The following TMC5 variants were observed in gnomAD, a reference collection of about 807,000 sequenced individuals.
TMC5 encodes transmembrane channel-like protein 5.
In TMC5, 86 loss-of-function variants were observed where a neutral mutation model predicts 110.5. The ratio of observed to expected loss-of-function variants is 0.78; its 90% CI spans 0.65 to 0.93. TMC5 has a LOEUF of 0.93. TMC5 is among the 40% of genes least tolerant of loss of function. The pLI is 0.00. For synonymous variants in TMC5, 455 were observed against 439.5 expected (o/e 1.04, Z -0.44); for missense variants, 1,144 against 1,222.8 (o/e 0.94, Z 0.96).
At chr16:19,415,640 G>A (rs1037268987), upstream of TMC5, among the ~76,000 whole-genome samples, 18 of 152,254 alleles carry the variant, frequency 1.2e-4, no homozygotes, top group Admixed American at 2.6e-4. Flanking sequence ...CTCGTTTGGC[G>A]CAGCTCCACA....
At chr16:19,494,021 G>A (rs1019908241) in intron 19 of TMC5, among the ~76,000 whole-genome samples, 19 of 152,228 alleles carry the variant, frequency 1.2e-4, no homozygotes, top group African/African-American at 3.1e-4. Context: ...ACTTTCTCAA[G>A]CCTGTTAGGG....
At chr16:19,456,428 G>C in intron 5 of TMC5, 1 of 1,101,484 alleles carries the variant, frequency 9.1e-7, no homozygotes, top group Non-Finnish European at 1.1e-6. Flanking sequence ...TTCTGTTTTC[G>C]ATTTCTTGCC....
chr16:19,496,971 A>T lies in TMC5; in HGVS notation c.2932-150A>T, dbSNP rs567601979. The T allele has an allele frequency of 1.4e-5, 9 of 638,894 alleles. No homozygotes were observed. In the South Asian group the frequency reaches 1.6e-4, roughly 11 times the overall value. 39.6% of individuals were successfully genotyped at this position (638,894 alleles called of 1,614,324 possible). ...CTCCCTAAAAAACAAAACATGTTCA[A>T]TATTTCTATGGCGGAGACTTGGCCT... is the stretch of plus-strand genomic sequence containing the variant. On this transcript the variant is annotated intron_variant, in intron 20 of 21. Transcript: ENST00000542583.
chr16:19,419,465 T>A (rs1000964846), intron 1 of TMC5, among the ~76,000 whole-genome samples: 2 of 125,398 alleles, frequency 1.6e-5, no homozygotes, highest in Admixed American at 1.1e-4. Context: ...CAGGCTGGAG[T>A]GCAGTGGTGC....
In TMC5 at chr16:19,459,409, C is replaced by T. The variant is rs1262601806; in HGVS notation, c.1049-826C>T. 1.3e-5 allele frequency among the ~76,000 whole-genome samples: 2 copies of T among 152,106 alleles called. 1 individual carries two copies. The highest frequency in any genetic ancestry group is 4.1e-4 in the South Asian group (2 of 4,822). On this transcript the variant is annotated intron_variant, in intron 5 of 21. Transcript: ENST00000542583. ...GTGTACTTCTAGGAAGGTGGAAGGGCATTCAGCGATAGTCAAGGAATGTGA... is the reference window on the plus strand; with the variant it reads ...GTGTACTTCTAGGAAGGTGGAAGGGTATTCAGCGATAGTCAAGGAATGTGA...
chr16:19,459,597 C>G (rs1289907977), intron 5 of TMC5, among the ~76,000 whole-genome samples: 1 of 151,836 alleles, frequency 6.6e-6, no homozygotes, highest in Non-Finnish European at 1.5e-5. Flanking sequence ...GGCAACATAG[C>G]AAGACCCCAT....
chr16:19,488,190 G>A (rs8050884), intron 17 of TMC5, among the ~76,000 whole-genome samples: 19,608 of 152,034 alleles, frequency 0.13, 1,766 homozygotes, highest in East Asian at 0.39. Context: ...CTAGCCCTGG[G>A]AGCTGGAGTC....
intron 21 of TMC5, 126 bp from the exon 22 acceptor site, chr16:19,497,793 GA>G: frequency 6.4e-6 from 5 of 775,486 alleles, no homozygotes; most frequent in Non-Finnish European, 1.1e-5. Flanking sequence ...AAGGATTATA[GA>G]AACTAAAAGG....
rs1228783412 is a variant in TMC5, at chr16:19,440,563, C to G, written c.525C>G (p.Pro175=). The change falls in exon 3 of 22, where the codon CCC becomes CCG. Residue 175 remains proline, a synonymous_variant. Transcript: ENST00000542583. The part of the protein sequence containing the change: ...GAQSNSDHPG[P]RANLNHPGSR... ...AGAGCAACTCTGATCATCCTGGACC[C>G]AGAGCCAATTTGAACCATCCAGGAT... is the stretch of plus-strand genomic sequence containing the variant. The G allele has an allele frequency of 3.7e-6, 6 of 1,614,218 alleles. No individual in the cohort carries two copies. In the Admixed American group the frequency reaches 8.3e-5, roughly 22 times the overall value.
chr16:19,431,351 G>A (rs1169860655), intron 2 of TMC5, among the ~76,000 whole-genome samples: 1 of 151,972 alleles, frequency 6.6e-6, no homozygotes, highest in African/African-American at 2.4e-5. Context: ...TAGCAGCCTG[G>A]CCAACATACT....
At chr16:19,453,197 T>C (rs1285008771) in intron 5 of TMC5, among the ~76,000 whole-genome samples, 1 of 151,970 alleles carries the variant, frequency 6.6e-6, no homozygotes, top group Non-Finnish European at 1.5e-5. Context: ...CTCACACCTG[T>C]AATCCCAGGA....
intron 4 of TMC5, among the ~76,000 whole-genome samples, chr16:19,449,163 A>G (rs979748447): frequency 1.3e-5 from 2 of 151,750 alleles, no homozygotes; most frequent in Non-Finnish European, 2.9e-5. Flanking sequence ...ATATACATAT[A>G]TTTTTAGAGA....
intron 1 of TMC5, among the ~76,000 whole-genome samples, chr16:19,422,659 A>C (rs1347031084): frequency 6.6e-6 from 1 of 152,118 alleles, no homozygotes. Context: ...CAATGTCTCT[A>C]CAAAAAAAAT....
intron 4 of TMC5, among the ~76,000 whole-genome samples, chr16:19,446,873 T>G (rs2143497564): frequency 6.6e-6 from 1 of 152,306 alleles, no homozygotes; most frequent in East Asian, 1.9e-4. Flanking sequence ...GGCAATCACT[T>G]GTCCAGTGTC....
At position 19,440,215 on chromosome 16, in the gene TMC5, C is replaced by G. The variant is rs1259828839; in HGVS notation, c.177C>G (p.Ser59=). 2 of 1,614,162 alleles carry G rather than the reference C, an allele frequency of 1.2e-6. No individual in the cohort carries two copies. The highest frequency in any genetic ancestry group is 1.7e-6 in the Non-Finnish European group (2 of 1,180,014). The change falls in exon 3 of 22, where the codon TCC becomes TCG. Residue 59 remains serine (S), a synonymous_variant. Coordinates refer to ENST00000542583, the MANE Select transcript of TMC5 (RefSeq NM_001261841.2). ...GGAGCAATCCATACTCTGTAGCCTC[C>G]AGAACACGTCCAGACTATCCTGGGT... The part of the protein sequence containing the change: ...GTRSNPYSVA[S]RTRPDYPGSL...
At chr16:19,476,816 G>T (rs1968500520) in intron 12 of TMC5, 2 of 153,530 alleles carry the variant, frequency 1.3e-5, no homozygotes. Context: ...TAGCAGGAGG[G>T]ACCTTCTTAT....
At chr16:19,441,897 G>A (rs886887362) in intron 3 of TMC5, among the ~76,000 whole-genome samples, 1 of 151,988 alleles carries the variant, frequency 6.6e-6, no homozygotes, top group South Asian at 2.1e-4. Flanking sequence ...TCTGCCTCCC[G>A]GGTTCAAGCG....
At chr16:19,449,446 G>T in intron 4 of TMC5, 96 bp from the exon 5 acceptor site, 1 of 1,039,618 alleles carries the variant, frequency 9.6e-7, no homozygotes. Context: ...CTTATTAGCC[G>T]TTACGAACCA....
intron 8 of TMC5, among the ~76,000 whole-genome samples, chr16:19,464,686 G>A (rs1968113468): frequency 6.6e-6 from 1 of 151,780 alleles, no homozygotes. Context: ...TTGTGTTGGT[G>A]TTTATAGATC....
Sources: allele counts gnomAD v4.1 joint callset (sites outside exome capture counted in the v4.1 genomes callset), GRCh38; gene constraint gnomAD v4.1.1; transcripts MANE v1.5; gene names NCBI Gene and HGNC (gene_info 2026-07-23, HGNC 2026-07-21).